SLIT3: variants seen among roughly 807,000 people sequenced by gnomAD.
The protein encoded by SLIT3 is slit homolog 3 protein.
A neutral mutation model predicts 184.0 loss-of-function variants in SLIT3; 68 were observed. That is an observed-to-expected ratio of 0.37 (90% confidence interval 0.30 to 0.45). SLIT3 has a LOEUF of 0.45. SLIT3 is among the 20% of genes least tolerant of loss of function. The probability of loss-of-function intolerance (pLI) is 1.00; values close to 1 mark genes in which losing one functional copy is unlikely to be tolerated. For missense variants in SLIT3, 1,707 were observed against 2,026.0 expected (o/e 0.84, Z 3.02); for synonymous variants, 831 against 828.6 (o/e 1.00, Z -0.05).
At chr5:169,219,112 TAG>T (rs1764538421) in intron 3 of SLIT3, among the ~76,000 whole-genome samples, 1 of 152,124 alleles carries the variant, frequency 6.6e-6, no homozygotes, top group South Asian at 2.1e-4. Context: ...GCTGCCGCCT[TAG>T]GACACATTCC....
rs749481467 is a variant in SLIT3 at position 168,883,342 on chromosome 5, C to T, written c.414-6G>A. On this transcript the variant is annotated splice_polypyrimidine_tract_variant and splice_region_variant and intron_variant, in intron 4 of 35. Transcript: ENST00000519560. Reference sequence around the variant, plus strand: ...TCTGGTTTTCACTCAAATCTCTAAACAAGAAGAGAAGAGGCACACTGCATT... The same window carrying T: ...TCTGGTTTTCACTCAAATCTCTAAATAAGAAGAGAAGAGGCACACTGCATT... 6.2e-7 allele frequency: 1 copy of T among 1,612,114 alleles called. No homozygotes were observed. The highest frequency in any genetic ancestry group is 1.7e-5 in the Admixed American group (1 of 60,020).
intron 31 of SLIT3, among the ~76,000 whole-genome samples, chr5:168,685,097 G>A (rs1761704774): frequency 6.6e-6 from 1 of 152,056 alleles, no homozygotes; most frequent in East Asian, 1.9e-4. Flanking sequence ...TTACAGGCAT[G>A]CACCACCACG....
At chr5:168,819,226 G>T (rs762915762) in intron 7 of SLIT3, among the ~76,000 whole-genome samples, 3 of 152,230 alleles carry the variant, frequency 2.0e-5, no homozygotes, top group Admixed American at 1.3e-4. Flanking sequence ...TAAGCTGGTG[G>T]GAAGGACCTC....
At chr5:168,683,187 G>GA (rs1204789855) in intron 32 of SLIT3, among the ~76,000 whole-genome samples, 1 of 151,904 alleles carries the variant, frequency 6.6e-6, no homozygotes, top group Non-Finnish European at 1.5e-5. Context: ...CCAACATGGT[G>GA]AAATCCCATC....
At chr5:168,982,111 T>G (rs994733162) in intron 4 of SLIT3, among the ~76,000 whole-genome samples, 13 of 152,208 alleles carry the variant, frequency 8.5e-5, no homozygotes, top group Non-Finnish European at 1.8e-4. Flanking sequence ...TTCTGATATT[T>G]TTTGAAATGT....
intron 29 of SLIT3, among the ~76,000 whole-genome samples, chr5:168,691,661 T>TG (rs1761909208): frequency 6.6e-6 from 1 of 152,166 alleles, no homozygotes; most frequent in Non-Finnish European, 1.5e-5. Flanking sequence ...TCTCTCCAGT[T>TG]GCCCCGGACT....
chr5:168,750,428 G>T (rs1754655767), intron 18 of SLIT3, among the ~76,000 whole-genome samples: 1 of 152,210 alleles, frequency 6.6e-6, no homozygotes, highest in African/African-American at 2.4e-5. Context: ...GTGAAGCTTG[G>T]GGAGCTTATT....
At chr5:169,045,512 A>G (rs1183390168) in intron 4 of SLIT3, among the ~76,000 whole-genome samples, 1 of 151,988 alleles carries the variant, frequency 6.6e-6, no homozygotes, top group Non-Finnish European at 1.5e-5. Context: ...CACCATCCAC[A>G]CTTTCCAGGG....
chr5:168,675,826 G>T (rs1328149017), intron 32 of SLIT3, among the ~76,000 whole-genome samples: 2 of 152,188 alleles, frequency 1.3e-5, no homozygotes, highest in Admixed American at 6.5e-5. Context: ...TTCTAGTGCT[G>T]ATCCCTGGGA....
At chr5:168,859,165 G>C (rs1045370073) in intron 5 of SLIT3, among the ~76,000 whole-genome samples, 1 of 152,204 alleles carries the variant, frequency 6.6e-6, no homozygotes, top group Admixed American at 6.5e-5. Context: ...TGCGGCAGAA[G>C]CAGGGGGTGG....
At chr5:168,757,667 C>G (rs1754999997) in intron 16 of SLIT3, among the ~76,000 whole-genome samples, 2 of 152,148 alleles carry the variant, frequency 1.3e-5, no homozygotes, top group Non-Finnish European at 2.9e-5. Context: ...GATCTCTTGA[C>G]CTTGTGATCC....
intron 4 of SLIT3, among the ~76,000 whole-genome samples, chr5:169,092,649 C>A (rs1268716290): frequency 1.3e-5 from 2 of 152,158 alleles, no homozygotes; most frequent in African/African-American, 4.8e-5. Context: ...ACGCATAATT[C>A]TTGCAGAGAT....
At chr5:169,272,483 G>C (rs537604178) in intron 1 of SLIT3, among the ~76,000 whole-genome samples, 1 of 152,216 alleles carries the variant, frequency 6.6e-6, no homozygotes, top group Non-Finnish European at 1.5e-5. Context: ...CCAACCTAGC[G>C]TAAAAGCTCT....
rs983439093 is a variant in SLIT3, at chr5:168,990,004, C to T, written c.414-106668G>A. Among the ~76,000 whole-genome samples, 7 of 152,280 alleles carry T rather than the reference C, an allele frequency of 4.6e-5. No homozygotes were observed. In the East Asian group the frequency reaches 9.6e-4, roughly 21 times the overall value. Reference sequence around the variant, plus strand: ...GGTTCAGCCATCAAAGTTCCACGGCCGCCTATCCTGCTATTCATGTGGGTT... The same window carrying T: ...GGTTCAGCCATCAAAGTTCCACGGCTGCCTATCCTGCTATTCATGTGGGTT... On this transcript the variant is annotated intron_variant, in intron 4 of 35. Coordinates refer to ENST00000519560, the MANE Select transcript of SLIT3 (RefSeq NM_003062.4).
chr5:169,047,808 T>C (rs914636858), intron 4 of SLIT3, among the ~76,000 whole-genome samples: 2 of 152,144 alleles, frequency 1.3e-5, no homozygotes, highest in African/African-American at 4.8e-5. Flanking sequence ...GACCAGGATG[T>C]AGCTGTAGGT....
chr5:168,981,282 G>A (rs1445806698), intron 4 of SLIT3, among the ~76,000 whole-genome samples: 1 of 152,168 alleles, frequency 6.6e-6, no homozygotes, highest in African/African-American at 2.4e-5. Flanking sequence ...CATGCCAATA[G>A]GGACTGACTA....
chr5:168,884,787 C>G (rs1184994863), intron 4 of SLIT3, among the ~76,000 whole-genome samples: 3 of 151,634 alleles, frequency 2.0e-5, no homozygotes, highest in Non-Finnish European at 2.9e-5. Context: ...AATGAAAACA[C>G]TAGGGTGAAC....
chr5:168,816,991 C>T (rs953357412), intron 8 of SLIT3, among the ~76,000 whole-genome samples: 1 of 152,194 alleles, frequency 6.6e-6, no homozygotes, highest in South Asian at 2.1e-4. Flanking sequence ...CTCCGTTATA[C>T]CTGTTTCCAT....
chr5:169,074,579 G>A (rs114781390), intron 4 of SLIT3, among the ~76,000 whole-genome samples: 195 of 152,252 alleles, frequency 1.3e-3, no homozygotes, highest in African/African-American at 4.4e-3. Context: ...GTAAAAGCTC[G>A]GAGAGGTGAG....
Sources: gnomAD v4.1 joint callset for allele counts (sites outside exome capture counted in the v4.1 genomes callset) on GRCh38, gnomAD v4.1.1 for gene constraint, MANE v1.5 for transcripts, NCBI Gene and HGNC (gene_info 2026-07-23, HGNC 2026-07-21) for gene names.